Variants in TUSC3 observed in about 807,000 individuals in gnomAD.
The protein encoded by TUSC3 is dolichyl-diphosphooligosaccharide--protein glycosyltransferase subunit TUSC3.
A neutral mutation model predicts 44.8 loss-of-function variants in TUSC3; 45 were observed. The observed-to-expected ratio is 1.00, with a 90% confidence interval of 0.79 to 1.29. TUSC3 has a LOEUF of 1.29. Among genes scored for constraint, TUSC3 ranks in the 50% most tolerant of loss-of-function variants. The pLI is 0.00. For synonymous variants in TUSC3, 212 were observed against 152.9 expected, an observed-to-expected ratio of 1.39 and a Z score of -2.85; for missense variants, 519 against 437.9, an observed-to-expected ratio of 1.19 and a Z score of -1.65.
At chr8:15,768,132 G>A (rs73665501), downstream of TUSC3, among the ~76,000 whole-genome samples, 1 of 148,804 alleles carries the variant, frequency 6.7e-6, no homozygotes, top group Admixed American at 6.8e-5. Context: ...TGTCTGTAAA[G>A]TGGGGAGAGT....
rs1812303512 is a variant in TUSC3 at position 15,765,520 on chromosome 8, A to C, written c.*1364A>C. 1 of 152,028 alleles carries C rather than the reference A, an allele frequency of 6.6e-6. No homozygotes were observed. 9.4% of individuals were successfully genotyped at this position (152,028 alleles called of 1,614,324 possible). ...TTAAATCTGTGAATTTCAATGAAGA[A>C]TGGGAATATAAAGGCCTACTGGGGC... On this transcript the variant is annotated 3_prime_UTR_variant, in exon 11 of 11. Coordinates refer to ENST00000503731, the MANE Select transcript of TUSC3 (RefSeq NM_006765.4).
chr8:15,561,663 G>C (rs886546763), intron 1 of TUSC3: 1 of 153,456 alleles, frequency 6.5e-6, no homozygotes, highest in Admixed American at 6.6e-5. Flanking sequence ...GAGACTCCGT[G>C]GGTGTAGGAC....
chr8:15,544,410 TTTATC>T (rs1472914144), intron 1 of TUSC3, among the ~76,000 whole-genome samples: 1 of 151,804 alleles, frequency 6.6e-6, no homozygotes, highest in Non-Finnish European at 1.5e-5. Context: ...TAATAATTAA[TTTATC>T]TTATCTGCAA....
intron 7 of TUSC3, among the ~76,000 whole-genome samples, chr8:15,740,830 A>C (rs1294418060): frequency 6.6e-6 from 1 of 152,198 alleles, no homozygotes; most frequent in Non-Finnish European, 1.5e-5. Context: ...GACCTGTGAA[A>C]ATATATTCTT....
intron 1 of TUSC3, among the ~76,000 whole-genome samples, chr8:15,612,187 A>T (rs181509586): frequency 6.6e-6 from 1 of 152,172 alleles, no homozygotes; most frequent in African/African-American, 2.4e-5. Context: ...TGCTATTCAG[A>T]TAGCAGGTAC....
At chr8:15,608,666 G>A (rs1436970980) in intron 1 of TUSC3, among the ~76,000 whole-genome samples, 1 of 152,028 alleles carries the variant, frequency 6.6e-6, no homozygotes, top group Non-Finnish European at 1.5e-5. Flanking sequence ...CGTGAGATCC[G>A]ATGGTTTTAA....
intron 1 of TUSC3, among the ~76,000 whole-genome samples, chr8:15,482,844 T>C (rs546655637): frequency 3.3e-5 from 5 of 152,356 alleles, no homozygotes; most frequent in African/African-American, 1.2e-4. Flanking sequence ...CTTTGTATGA[T>C]AGAATACATG....
intron 6 of TUSC3, among the ~76,000 whole-genome samples, chr8:15,716,479 A>G (rs150743689): frequency 1.1e-3 from 172 of 152,280 alleles, no homozygotes; most frequent in African/African-American, 3.8e-3. Flanking sequence ...TGAAAAATGG[A>G]AGTATATTTG....
At chr8:15,536,175 G>A (rs1054136725), upstream of TUSC3, among the ~76,000 whole-genome samples, 1 of 152,134 alleles carries the variant, frequency 6.6e-6, no homozygotes, top group Non-Finnish European at 1.5e-5. Flanking sequence ...GAGTCTGCAC[G>A]GCATATTTGG....
rs977842900 is a variant in TUSC3, at chr8:15,590,416, A to G, written c.139-32664A>G. Among the ~76,000 whole-genome samples, 6 of 152,218 alleles carry G rather than the reference A, an allele frequency of 3.9e-5. No individual in the cohort carries two copies. The East Asian group carries it at 1.2e-3, about 29-fold the overall frequency. On this transcript the variant is annotated intron_variant, in intron 1 of 10. Coordinates refer to ENST00000503731, the MANE Select transcript of TUSC3 (RefSeq NM_006765.4). ...GTGAGAGACGTCATGAGTGAACATTAGCTTTTGTTTTCTTTCTCCTCCGGC... is the reference window on the plus strand; with the variant it reads ...GTGAGAGACGTCATGAGTGAACATTGGCTTTTGTTTTCTTTCTCCTCCGGC...
chr8:15,558,909 C>T (rs1802361015), intron 1 of TUSC3, among the ~76,000 whole-genome samples: 1 of 151,336 alleles, frequency 6.6e-6, no homozygotes, highest in Admixed American at 6.6e-5. Context: ...CTTTATTAGT[C>T]TTGCTAGCGG....
At chr8:15,662,063 T>G in intron 4 of TUSC3, 93 bp from the exon 5 acceptor site, 1 of 1,419,788 alleles carries the variant, frequency 7.0e-7, no homozygotes. Flanking sequence ...TGTTTCTGAG[T>G]TCTTTGCGTT....
chr8:15,519,547 T>C (rs960838108), intron 2 of TUSC3, among the ~76,000 whole-genome samples: 1 of 152,096 alleles, frequency 6.6e-6, no homozygotes, highest in African/African-American at 2.4e-5. Context: ...TCCTCCTAGA[T>C]TCTCATAGGA....
intron 2 of TUSC3, among the ~76,000 whole-genome samples, chr8:15,636,729 T>C (rs1440184736): frequency 6.6e-6 from 1 of 152,226 alleles, no homozygotes; most frequent in Non-Finnish European, 1.5e-5. Context: ...TGTGGGCTAG[T>C]CTATATAAAT....
At chr8:15,844,092 C>T in the TUSC3 span, among the ~76,000 whole-genome samples, 1 of 152,088 alleles carries the variant, frequency 6.6e-6, no homozygotes, top group Non-Finnish European at 1.5e-5. Context: ...GAACAATGGT[C>T]CTGTCCCCTT....
chr8:15,658,114 G>C, intron 3 of TUSC3, among the ~76,000 whole-genome samples: 1 of 152,146 alleles, frequency 6.6e-6, no homozygotes, highest in Admixed American at 6.5e-5. Flanking sequence ...GAGTTTTGGC[G>C]GGGACAAACA....
chr8:15,570,265 T>TACACACACAC (rs3070896), intron 1 of TUSC3, among the ~76,000 whole-genome samples: 6,470 of 148,096 alleles, frequency 0.044, 204 homozygotes, highest in Non-Finnish European at 0.063. Context: ...TAATGTATTT[T>TACACACACAC]ACACACACAC....
At chr8:15,845,222 G>A in the TUSC3 span, among the ~76,000 whole-genome samples, 1 of 152,092 alleles carries the variant, frequency 6.6e-6, no homozygotes, top group Non-Finnish European at 1.5e-5. Context: ...ATCAGATGTG[G>A]GCTAAGTATT....
intron 1 of TUSC3, among the ~76,000 whole-genome samples, chr8:15,442,159 ATTAC>A (rs1410870264): frequency 6.6e-6 from 1 of 151,742 alleles, no homozygotes; most frequent in Non-Finnish European, 1.5e-5. Flanking sequence ...CTTCATTCTT[ATTAC>A]TTCTTTGTCA....
Sources: allele counts gnomAD v4.1 joint callset (sites outside exome capture counted in the v4.1 genomes callset), GRCh38; gene constraint gnomAD v4.1.1; transcripts MANE v1.5; gene names NCBI Gene and HGNC (gene_info 2026-07-23, HGNC 2026-07-21).